Variants in PLXNA4 observed in about 807,000 individuals in gnomAD.
PLXNA4 encodes the protein plexin A4, also known as plexin-A4.
In PLXNA4, 44 loss-of-function variants were observed where a neutral mutation model predicts 191.8. The observed-to-expected ratio is 0.23, with a 90% CI of 0.18 to 0.29. The LOEUF is 0.29. Ranked by LOEUF, PLXNA4 falls within the 10% of genes least tolerant of loss-of-function variation. PLXNA4 has a pLI of 1.00. For missense variants in PLXNA4, 1,800 were observed against 2,488.8 expected (o/e 0.72, Z 5.89); for synonymous variants, 1,082 against 1,009.5 (o/e 1.07, Z -1.36).
chr7:132,593,787 G>A (rs1802650250), intron 2 of PLXNA4, among the ~76,000 whole-genome samples: 1 of 152,244 alleles, frequency 6.6e-6, no homozygotes, highest in Admixed American at 6.5e-5. Flanking sequence ...TGCCATGGAA[G>A]GGCCATACAA....
chr7:132,394,531 T>C (rs764392349), intron 3 of PLXNA4, among the ~76,000 whole-genome samples: 2 of 152,216 alleles, frequency 1.3e-5, no homozygotes, highest in South Asian at 2.1e-4. Context: ...GAAGTGCAAA[T>C]ACTGCTTTAA....
intron 26 of PLXNA4, 137 bp from the exon 27 acceptor site, chr7:132,148,136 G>A (rs886094788): frequency 3.0e-6 from 4 of 1,315,428 alleles, no homozygotes; most frequent in African/African-American, 2.9e-5. Flanking sequence ...GAGGCTGTCA[G>A]CTTTCCTTGG....
chr7:132,571,420 C>A (rs1387497709), intron 1 of PLXNA4, among the ~76,000 whole-genome samples: 1 of 152,232 alleles, frequency 6.6e-6, no homozygotes, highest in Non-Finnish European at 1.5e-5. Context: ...GCTGCAACCA[C>A]CATAGGATCC....
At chr7:132,141,170 G>A (rs962170735) in intron 29 of PLXNA4, among the ~76,000 whole-genome samples, 1 of 152,176 alleles carries the variant, frequency 6.6e-6, no homozygotes, top group South Asian at 2.1e-4. Context: ...CTCTCTGTCT[G>A]TCTGCTCCTA....
At chr7:132,312,605 G>T (rs544911223) in intron 3 of PLXNA4, among the ~76,000 whole-genome samples, 119 of 152,162 alleles carry the variant, frequency 7.8e-4, no homozygotes, top group Non-Finnish European at 1.5e-3. Flanking sequence ...TTAGTTTTTA[G>T]GTTTGCCCAA....
In PLXNA4 at chr7:132,437,746, C is replaced by T. The variant is rs1030178992; in HGVS notation, c.1371+51546G>A. The stretch of plus-strand genomic sequence containing the variant: ...ACTAAATACACACCACCTGAAGATA[C>T]AGCAAAACCCAGAAGTGGTGACCAC... On this transcript the variant is annotated intron_variant, in intron 3 of 31. Coordinates refer to ENST00000321063, the MANE Select transcript of PLXNA4 (RefSeq NM_020911.2). 7.9e-5 allele frequency among the ~76,000 whole-genome samples: 12 copies of T among 152,208 alleles called. No homozygotes were observed. In the Middle Eastern group the frequency reaches 0.01, roughly 129 times the overall value.
Position 132,174,422 on chromosome 7 carries a change from T to C in PLXNA4, c.4017+356A>G, listed in dbSNP as rs558012555. 4.6e-5 allele frequency among the ~76,000 whole-genome samples: 7 copies of C among 152,354 alleles called. 1 individual carries two copies. Among genetic ancestry groups the C allele is most frequent in the African/African-American group, 1.7e-4 (7 of 41,584 alleles). ...AACTACGTGAGTCAAATCCCCTACT[T>C]CATGGACCCTTAACCAAAGGTCCCT... On this transcript the variant is annotated intron_variant, in intron 21 of 31. Coordinates refer to ENST00000321063, the MANE Select transcript of PLXNA4 (RefSeq NM_020911.2).
chr7:132,210,799 G>A (rs908585807), intron 10 of PLXNA4, 144 bp downstream of exon 10: 7 of 901,388 alleles, frequency 7.8e-6, no homozygotes, highest in Non-Finnish European at 1.0e-5. Flanking sequence ...GGATGTGCCA[G>A]CAGGCATGGG....
intron 1 of PLXNA4, among the ~76,000 whole-genome samples, chr7:132,540,314 G>A (rs1162059969): frequency 2.0e-5 from 3 of 152,148 alleles, no homozygotes; most frequent in South Asian, 2.1e-4. Flanking sequence ...TGGATGTTGC[G>A]AGGGCCAGCT....
At chr7:132,374,518 T>A (rs557460413) in intron 3 of PLXNA4, among the ~76,000 whole-genome samples, 1 of 152,268 alleles carries the variant, frequency 6.6e-6, no homozygotes, top group East Asian at 1.9e-4. Context: ...AATTAGAAGC[T>A]ACTGGTGGGT....
intron 3 of PLXNA4, among the ~76,000 whole-genome samples, chr7:132,307,387 C>G (rs1431090289): frequency 6.6e-6 from 1 of 152,212 alleles, no homozygotes; most frequent in Non-Finnish European, 1.5e-5. Flanking sequence ...ATCATACACA[C>G]CACGGGAGCA....
intron 3 of PLXNA4, among the ~76,000 whole-genome samples, chr7:132,340,590 G>A (rs1563045290): frequency 6.6e-6 from 1 of 152,252 alleles, no homozygotes; most frequent in Non-Finnish European, 1.5e-5. Flanking sequence ...GCATAATGGA[G>A]AAGGGGAGGA....
chr7:132,643,866 C>T (rs1437021429), intron 2 of PLXNA4, among the ~76,000 whole-genome samples: 1 of 151,950 alleles, frequency 6.6e-6, no homozygotes, highest in Admixed American at 6.6e-5. Flanking sequence ...GCAGAAGGAT[C>T]GCTTGAGCCC....
At chr7:132,511,920 A>G (rs1360093015) in intron 1 of PLXNA4, among the ~76,000 whole-genome samples, 1 of 152,216 alleles carries the variant, frequency 6.6e-6, no homozygotes, top group Non-Finnish European at 1.5e-5. Flanking sequence ...AAATTGCAAG[A>G]GGTCACACAT....
chr7:132,224,827 C>T (rs899786349), intron 8 of PLXNA4, among the ~76,000 whole-genome samples: 5 of 152,220 alleles, frequency 3.3e-5, no homozygotes, highest in Non-Finnish European at 7.3e-5. Context: ...AAGCTCTAGA[C>T]TCACAGCTGC....
chr7:132,537,149 G>A (rs1433610441), intron 1 of PLXNA4, among the ~76,000 whole-genome samples: 2 of 152,212 alleles, frequency 1.3e-5, no homozygotes, highest in Non-Finnish European at 2.9e-5. Context: ...GTGGAGGTCA[G>A]AAGACAGAGA....
intron 3 of PLXNA4, among the ~76,000 whole-genome samples, chr7:132,444,670 G>A (rs567032938): frequency 6.6e-6 from 1 of 152,314 alleles, no homozygotes; most frequent in South Asian, 2.1e-4. Context: ...GTGTTAAGGT[G>A]TGTGTGTTGG....
At chr7:132,184,502 C>T (rs775295617) in intron 16 of PLXNA4, among the ~76,000 whole-genome samples, 5 of 152,190 alleles carry the variant, frequency 3.3e-5, no homozygotes, top group African/African-American at 7.2e-5. Context: ...AGACTCATGC[C>T]GTGTGCCTAC....
chr7:132,573,791 G>C (rs751598855), intron 1 of PLXNA4, among the ~76,000 whole-genome samples: 1 of 152,214 alleles, frequency 6.6e-6, no homozygotes, highest in Non-Finnish European at 1.5e-5. Flanking sequence ...GGAGCAGCTT[G>C]TAGGTGACCC....
Sources: allele counts gnomAD v4.1 joint callset (sites outside exome capture counted in the v4.1 genomes callset), GRCh38; gene constraint gnomAD v4.1.1; transcripts MANE v1.5; gene names NCBI Gene and HGNC (gene_info 2026-07-23, HGNC 2026-07-21).